COX10: variants seen among roughly 807,000 people sequenced by gnomAD.
COX10 encodes cytochrome c oxidase assembly factor heme A:farnesyltransferase COX10, also known as protoheme IX farnesyltransferase, mitochondrial.
COX10 carries 27 observed loss-of-function variants against 37.3 expected under a neutral mutation model. That is an observed-to-expected ratio of 0.72 (90% CI 0.53 to 1.00). The LOEUF is 1.00. COX10 is among the 50% of genes least tolerant of loss of function. The pLI, the probability that COX10 is intolerant of heterozygous loss-of-function variation, is 0.00. For missense variants in COX10, 475 were observed against 563.2 expected (o/e 0.84, Z 1.59); for synonymous variants, 222 against 229.1 (o/e 0.97, Z 0.28).
At chr17:14,197,708 C>T (rs1027828613) in intron 6 of COX10, among the ~76,000 whole-genome samples, 3 of 149,872 alleles carry the variant, frequency 2.0e-5, no homozygotes, top group African/African-American at 7.6e-5. Flanking sequence ...CAGCTTTTCT[C>T]CCCGTCACAG....
chr17:14,121,315 A>G (rs1222197096), intron 4 of COX10, among the ~76,000 whole-genome samples: 1 of 152,202 alleles, frequency 6.6e-6, no homozygotes, highest in African/African-American at 2.4e-5. Context: ...ATAATAATAA[A>G]TTGAAAAACT....
chr17:14,186,030 G>T (rs1407350030), intron 5 of COX10, among the ~76,000 whole-genome samples: 2 of 152,160 alleles, frequency 1.3e-5, no homozygotes, highest in African/African-American at 4.8e-5. Context: ...CTAGCTGAAG[G>T]CTGTTTCTCT....
chr17:14,115,173 A>G (rs1916082019), intron 4 of COX10, among the ~76,000 whole-genome samples: 1 of 152,182 alleles, frequency 6.6e-6, no homozygotes, highest in South Asian at 2.1e-4. Context: ...ACACAGTGTT[A>G]CTTTGTTTCT....
intron 3 of COX10, among the ~76,000 whole-genome samples, chr17:14,092,963 CA>C (rs1482955018): frequency 6.6e-6 from 1 of 152,168 alleles, no homozygotes; most frequent in East Asian, 1.9e-4. Flanking sequence ...CTTGGGCACA[CA>C]CATAAACAAA....
At chr17:14,132,766 T>C (rs1453680411) in intron 4 of COX10, among the ~76,000 whole-genome samples, 1 of 151,694 alleles carries the variant, frequency 6.6e-6, no homozygotes, top group Non-Finnish European at 1.5e-5. Context: ...GCTTATTTTT[T>C]ACTTTTCCTA....
At chr17:14,145,143 A>G (rs1904673164) in intron 4 of COX10, among the ~76,000 whole-genome samples, 1 of 137,456 alleles carries the variant, frequency 7.3e-6, no homozygotes, top group South Asian at 2.7e-4. Flanking sequence ...TCAATAAAGT[A>G]GAAGGCTGTG....
chr17:14,129,093 G>A lies in COX10; in HGVS notation c.624+26851G>A, dbSNP rs534190550. On this transcript the variant is annotated intron_variant, in intron 4 of 6. Transcript: ENST00000261643. ...ACTTCCGACCTGAGGTGGTTGGCCCGCCTTGGCCTCCCAAAGTGCTGGGAT... is the reference window on the plus strand; with the variant it reads ...ACTTCCGACCTGAGGTGGTTGGCCCACCTTGGCCTCCCAAAGTGCTGGGAT... Among the ~76,000 whole-genome samples, 10 of 150,976 alleles carry A rather than the reference G, an allele frequency of 6.6e-5. No individual in the cohort carries two copies. The East Asian group carries it at 1.4e-3, about 21-fold the overall frequency.
intron 6 of COX10, among the ~76,000 whole-genome samples, chr17:14,202,671 C>G (rs780808444): frequency 2.0e-5 from 3 of 152,048 alleles, no homozygotes; most frequent in African/African-American, 7.2e-5. Flanking sequence ...GTGTCTCTAC[C>G]GTGAGCACAC....
At chr17:14,170,470 TTTAA>T (rs1905428754) in intron 5 of COX10, among the ~76,000 whole-genome samples, 1 of 152,154 alleles carries the variant, frequency 6.6e-6, no homozygotes, top group African/African-American at 2.4e-5. Flanking sequence ...TGACAAGTCA[TTTAA>T]TTAATCTTTC....
rs548430097 is a variant in COX10 at position 14,202,760 on chromosome 17, T to C, written c.929-4050T>C. Among the ~76,000 whole-genome samples the C allele has an allele frequency of 3.2e-3, 436 of 137,640 alleles. 3 individuals are homozygous for C. Among genetic ancestry groups the C allele is most frequent in the African/African-American group, 0.01 (387 of 37,122 alleles). 90.3% of individuals were successfully genotyped at this position (137,640 alleles called of 152,430 possible). On this transcript the variant is annotated intron_variant, in intron 6 of 6. Coordinates refer to ENST00000261643, the MANE Select transcript of COX10 (RefSeq NM_001303.4). ...CCTCTGTCTCTCGACCCCCAGCCTG[T>C]TCCCCCCTGCGCTGGGGGAAGATCC...
intron 6 of COX10, among the ~76,000 whole-genome samples, chr17:14,202,672 G>A (rs1053291942): frequency 5.9e-5 from 9 of 152,098 alleles, no homozygotes; most frequent in African/African-American, 1.4e-4. Context: ...TGTCTCTACC[G>A]TGAGCACACT....
intron 5 of COX10, among the ~76,000 whole-genome samples, chr17:14,162,169 C>A (rs925316386): frequency 5.3e-5 from 8 of 152,172 alleles, no homozygotes; most frequent in African/African-American, 1.9e-4. Context: ...TTAATTGCAA[C>A]AGCTGGCAAT....
chr17:14,082,094 A>G (rs559799368), intron 3 of COX10, among the ~76,000 whole-genome samples: 3 of 152,348 alleles, frequency 2.0e-5, no homozygotes, highest in Admixed American at 6.5e-5. Flanking sequence ...AGGTCACGGT[A>G]GTAAATGATG....
chr17:14,118,195 T>C (rs139446348), intron 4 of COX10, among the ~76,000 whole-genome samples: 2 of 152,190 alleles, frequency 1.3e-5, no homozygotes, highest in Admixed American at 1.3e-4. Flanking sequence ...AAGGCAACTT[T>C]TGGGGTGTGA....
chr17:14,078,429 C>G (rs2142183491), intron 3 of COX10, among the ~76,000 whole-genome samples: 1 of 152,262 alleles, frequency 6.6e-6, no homozygotes, highest in South Asian at 2.1e-4. Flanking sequence ...CCATTTCTGT[C>G]AGTTACAGCA....
intron 4 of COX10, among the ~76,000 whole-genome samples, chr17:14,114,067 T>A (rs1916061633): frequency 6.6e-6 from 1 of 152,186 alleles, no homozygotes; most frequent in South Asian, 2.1e-4. Context: ...AAACACCAGA[T>A]CCTAAAGTTA....
At chr17:14,150,306 G>A (rs1261730078) in intron 4 of COX10, among the ~76,000 whole-genome samples, 1 of 152,066 alleles carries the variant, frequency 6.6e-6, no homozygotes, top group Non-Finnish European at 1.5e-5. Context: ...ACAGTGAAAA[G>A]AGTTCTAAAA....
intron 5 of COX10, among the ~76,000 whole-genome samples, chr17:14,191,729 G>C (rs1906206150): frequency 6.6e-6 from 1 of 152,162 alleles, no homozygotes; most frequent in Admixed American, 6.5e-5. Context: ...TATGAATCCA[G>C]AACACTCTAA....
chr17:14,161,412 T>C (rs971697424), intron 5 of COX10, among the ~76,000 whole-genome samples: 1 of 152,116 alleles, frequency 6.6e-6, no homozygotes, highest in African/African-American at 2.4e-5. Flanking sequence ...TTAAGTATGG[T>C]TTAAGGAGGT....
Sources: allele counts gnomAD v4.1 joint callset (sites outside exome capture counted in the v4.1 genomes callset), GRCh38; gene constraint gnomAD v4.1.1; transcripts MANE v1.5; gene names NCBI Gene and HGNC (gene_info 2026-07-23, HGNC 2026-07-21).